NBPF15: variants seen among roughly 807,000 people sequenced by gnomAD.
NBPF15 encodes NBPF family member NBPF15.
Under a neutral mutation model 62.2 loss-of-function variants are expected in NBPF15, and 74 were observed. The ratio of observed to expected loss-of-function variants is 1.19; its 90% CI spans 0.99 to 1.44. The LOEUF is 1.44. NBPF15 is among the 40% of genes most tolerant of loss of function. The pLI is 0.00. For missense variants in NBPF15, 790 were observed against 550.0 expected (o/e 1.44, Z -4.36); for synonymous variants, 244 against 209.7 (o/e 1.16, Z -1.41).
rs880000693 is a variant in NBPF15 at position 144,424,093 on chromosome 1, A to G, written c.1664-118T>C. 3.5e-4 allele frequency: 259 copies of G among 750,432 alleles called. 1 individual carries two copies. The highest frequency in any genetic ancestry group is 2.9e-3 in the Middle Eastern group (8 of 2,730). The allele number at this position is 750,432 out of a possible 1,614,324, so 46.5% of individuals were successfully genotyped here. Reference sequence around the variant, plus strand: ...CTCCTCAGCATAAGAATACGACACCATGAGAGATATATTTCAGGAGGTCTG... The same window carrying G: ...CTCCTCAGCATAAGAATACGACACCGTGAGAGATATATTTCAGGAGGTCTG... On this transcript the variant is annotated intron_variant, in intron 20 of 21. Transcript: ENST00000581897.
Position 144,423,037 on chromosome 1 carries a change from C to T in NBPF15, c.1989G>A (p.Gln663=). The T allele has an allele frequency of 1.9e-6, 3 of 1,611,632 alleles. No individual in the cohort carries two copies. The highest frequency in any genetic ancestry group is 2.5e-6 in the Non-Finnish European group (3 of 1,179,638). ...CTTATTGTGGGAATATGACTCCCAT[C>T]TGGAACACCAGGTGGAGACTTGTCA... ...LTVTSLHLVF[Q]MGVIFPQ Residue 663 remains glutamine (Q), a synonymous_variant, in exon 22 of 22, where the codon CAG becomes CAA. Transcript: ENST00000581897.
At chr1:144,440,346 G>C in intron 6 of NBPF15, 51 bp from the exon 7 acceptor site, 2 of 1,084,822 alleles carry the variant, frequency 1.8e-6, no homozygotes, top group South Asian at 3.3e-5. Context: ...GGAATCTTAG[G>C]AGCCCTGCAT....
In NBPF15 at chr1:144,425,657, C is replaced by G. The variant is rs1669225772; in HGVS notation, c.1439-89G>C. ...CTGTCTAATCCCCACACAGGGATCT[C>G]AGGCTTCTCAGCATGAGAACAGGAC... On this transcript the variant is annotated intron_variant, in intron 18 of 21. Coordinates refer to ENST00000581897, the MANE Select transcript of NBPF15 (RefSeq NM_001385408.1). 7 of 609,866 alleles carry G rather than the reference C, an allele frequency of 1.1e-5. No homozygotes were observed. The Admixed American group carries it at 1.3e-4, about 11-fold the overall frequency. 37.8% of individuals were successfully genotyped at this position (609,866 alleles called of 1,614,324 possible).
intron 6 of NBPF15, among the ~76,000 whole-genome samples, chr1:144,448,365 G>T (rs1411444440): frequency 6.6e-6 from 1 of 151,996 alleles, no homozygotes; most frequent in Non-Finnish European, 1.5e-5. Flanking sequence ...TGGTATTTCA[G>T]ATAAGACACT....
rs1553539640 is a variant in NBPF15 at position 144,427,963 on chromosome 1, T to C, written c.1068A>G (p.Lys356=). 2.6e-6 allele frequency: 2 copies of C among 782,314 alleles called. No individual in the cohort carries two copies. Among genetic ancestry groups the C allele is most frequent in the South Asian group, 1.4e-5 (1 of 73,600 alleles). The allele number at this position is 782,314 out of a possible 1,614,324, so 48.5% of individuals were successfully genotyped here. ...PRLSRELLDE[K]EPEVLQDSLD... is the part of the protein sequence containing the mutation. ...GTGAGTCCTGCAAGACTTCAGGCTC[T>C]TTCTCATCCAGCAGCTCCCTGCTGA... Residue 356 remains lysine (K), a synonymous_variant, in exon 16 of 22, where the codon AAA becomes AAG. Transcript: ENST00000581897.
At chr1:144,432,721 C>T (rs28761196) in intron 13 of NBPF15, among the ~76,000 whole-genome samples, 4 of 152,026 alleles carry the variant, frequency 2.6e-5, no homozygotes, top group Non-Finnish European at 5.9e-5. Flanking sequence ...AAGGCCACTA[C>T]ATAATGGTAA....
At chr1:144,455,656 G>A (rs587734246) in intron 4 of NBPF15, among the ~76,000 whole-genome samples, 29 of 152,086 alleles carry the variant, frequency 1.9e-4, no homozygotes, top group African/African-American at 3.6e-4. Flanking sequence ...GTCTGACATC[G>A]TCCATTTGTC....
At chr1:144,426,203 C>T in intron 18 of NBPF15, 75 bp downstream of exon 18, 9 of 595,288 alleles carry the variant, frequency 1.5e-5, no homozygotes, top group South Asian at 3.9e-5. Context: ...TCAGTAAGGG[C>T]CACTTGGAAC....
chr1:144,451,104 G>A lies in NBPF15; in HGVS notation c.-431-234C>T, dbSNP rs587631857. Among the ~76,000 whole-genome samples, 15 of 151,974 alleles carry A rather than the reference G, an allele frequency of 9.9e-5. No homozygotes were observed. The East Asian group carries it at 2.9e-3, about 30-fold the overall frequency. On this transcript the variant is annotated intron_variant, in intron 4 of 21. Coordinates refer to ENST00000581897, the MANE Select transcript of NBPF15 (RefSeq NM_001385408.1). ...ATTATCGGGCATTTCCGGAGAGGGG[G>A]ATGTGGCAGGACAATAGGATAATAG... is the stretch of plus-strand genomic sequence containing the variant.
intron 18 of NBPF15, 94 bp downstream of exon 18, chr1:144,426,184 T>A (rs1174559050): frequency 3.1e-6 from 2 of 641,434 alleles, no homozygotes; most frequent in Non-Finnish European, 5.4e-6. Context: ...GGCAATGACA[T>A]CTCTCGGGTC....
intron 6 of NBPF15, among the ~76,000 whole-genome samples, chr1:144,441,965 A>G (rs1389426458): frequency 6.7e-6 from 1 of 148,760 alleles, no homozygotes; most frequent in Non-Finnish European, 1.5e-5. Context: ...GAACAATGAG[A>G]ACACTTGGAC....
rs782771379 is a variant in NBPF15, at chr1:144,422,996, G to T, written c.*17C>A. 1.1e-5 allele frequency: 17 copies of T among 1,611,574 alleles called. No homozygotes were observed. The South Asian group carries it at 1.8e-4, about 17-fold the overall frequency. ...CCTGCCTGCAGGAATGACATCTCTCGGCTTAGTAAGAGCTGCTTATTGTGG... is the reference window on the plus strand; with the variant it reads ...CCTGCCTGCAGGAATGACATCTCTCTGCTTAGTAAGAGCTGCTTATTGTGG... On this transcript the variant is annotated 3_prime_UTR_variant, in exon 22 of 22. Transcript: ENST00000581897.
Position 144,442,164 on chromosome 1 carries a change from A to G in NBPF15, c.-190-1869T>C, listed in dbSNP as rs1310701694. On this transcript the variant is annotated intron_variant, in intron 6 of 21. Coordinates refer to ENST00000581897, the MANE Select transcript of NBPF15 (RefSeq NM_001385408.1). ...ATATATATAATATATATACACGTGT[A>G]TATATATATATATATAATATATATA... Among the ~76,000 whole-genome samples, 14 of 658 alleles carry G rather than the reference A, an allele frequency of 0.021. No individual in the cohort carries two copies. In the South Asian group the frequency reaches 0.26, roughly 12 times the overall value. The allele number at this position is 658 out of a possible 152,430, so 0.4% of individuals were successfully genotyped here.
chr1:144,444,023 A>G (rs1386514772), intron 6 of NBPF15, among the ~76,000 whole-genome samples: 2 of 151,946 alleles, frequency 1.3e-5, no homozygotes, highest in Non-Finnish European at 2.9e-5. Flanking sequence ...GCCTTCTTTC[A>G]TGCATCAATG....
intron 5 of NBPF15, among the ~76,000 whole-genome samples, chr1:144,450,459 T>C (rs1237967747): frequency 2.6e-5 from 4 of 151,926 alleles, no homozygotes; most frequent in South Asian, 4.2e-4. Flanking sequence ...CAAACAAGAA[T>C]AGGAACTCTT....
intron 4 of NBPF15, among the ~76,000 whole-genome samples, chr1:144,451,676 C>T (rs1691262723): frequency 6.6e-6 from 1 of 151,458 alleles, no homozygotes; most frequent in Non-Finnish European, 1.5e-5. Flanking sequence ...CCTGAACAGC[C>T]CTTAATCCAT....
chr1:144,438,684 A>G (rs1680526353), intron 8 of NBPF15, among the ~76,000 whole-genome samples: 1 of 151,978 alleles, frequency 6.6e-6, no homozygotes, highest in Non-Finnish European at 1.5e-5. Flanking sequence ...TGTGCCAATA[A>G]ATGTTCTAGG....
rs1421755616 is a variant in NBPF15 at position 144,439,918 on chromosome 1, G to A, written c.86C>T (p.Ala29Val). 2.5e-5 allele frequency: 41 copies of A among 1,611,436 alleles called. No homozygotes were observed. The highest frequency in any genetic ancestry group is 3.5e-5 in the Non-Finnish European group (41 of 1,179,294). ...GTTTCTGAACTGCTGTTTCTTCTCT[G>A]CCAACTGGGGGCGCAATTTCTCATT... ...EINEKLRPQL[A>V]EKKQQFRNLK... is the part of the protein sequence containing the mutation. Residue 29 changes from alanine to valine, a missense_variant, in exon 8 of 22, where the codon GCA becomes GTA. Physicochemically the swap from Ala to Val is moderately conservative, Grantham distance 64. Transcript: ENST00000581897.
In NBPF15 at chr1:144,422,771, C is replaced by T. The variant is rs1558594225; in HGVS notation, c.*242G>A. On this transcript the variant is annotated 3_prime_UTR_variant, in exon 22 of 22. Coordinates refer to ENST00000581897, the MANE Select transcript of NBPF15 (RefSeq NM_001385408.1). ...AGATACGTGGTTCAAATTAAAATGT[C>T]TGACTGATCACTCCCGGCATGTTCT... is the stretch of plus-strand genomic sequence containing the variant. 2 of 937,864 alleles carry T rather than the reference C, an allele frequency of 2.1e-6. No homozygotes were observed. Among genetic ancestry groups the T allele is most frequent in the South Asian group, 3.5e-5 (2 of 57,366 alleles). 58.1% of individuals were successfully genotyped at this position (937,864 alleles called of 1,614,324 possible). A position where few individuals can be genotyped will look rare whatever the true frequency, so the allele number is the denominator to read the frequency against.
Sources: gnomAD v4.1 joint callset for allele counts (sites outside exome capture counted in the v4.1 genomes callset) on GRCh38, gnomAD v4.1.1 for gene constraint, MANE v1.5 for transcripts, NCBI Gene and HGNC (gene_info 2026-07-23, HGNC 2026-07-21) for gene names.